The following SHISA9 variants were observed in gnomAD, a reference collection of about 807,000 sequenced individuals.
The protein encoded by SHISA9 is protein shisa-9.
In SHISA9, 13 loss-of-function variants were observed where a neutral mutation model predicts 38.0. The ratio of observed to expected loss-of-function variants is 0.34; its 90% CI spans 0.22 to 0.54. SHISA9 has a LOEUF of 0.54. Ranked by LOEUF, SHISA9 falls within the 20% of genes least tolerant of loss-of-function variation. The pLI, the probability that SHISA9 is intolerant of heterozygous loss-of-function variation, is 0.91. For missense variants in SHISA9, 538 were observed against 575.8 expected (o/e 0.93, Z 0.67); for synonymous variants, 275 against 242.0 (o/e 1.14, Z -1.27).
At chr16:13,413,755 C>T in the SHISA9 span, among the ~76,000 whole-genome samples, 1 of 52,590 alleles carries the variant, frequency 1.9e-5, no homozygotes, top group African/African-American at 9.0e-5. Flanking sequence ...AAGACTTCAT[C>T]TCAAAAAAAA....
chr16:13,371,352 C>T, the SHISA9 span, among the ~76,000 whole-genome samples: 1 of 152,156 alleles, frequency 6.6e-6, no homozygotes, highest in East Asian at 1.9e-4. Context: ...AGGGGTGGAT[C>T]CTTGGTATCC....
intron 2 of SHISA9, among the ~76,000 whole-genome samples, chr16:13,067,299 G>A (rs1470617724): frequency 6.6e-6 from 1 of 152,198 alleles, no homozygotes; most frequent in Non-Finnish European, 1.5e-5. Context: ...GAACCTAGAT[G>A]GGAAGTGGCT....
the SHISA9 span, among the ~76,000 whole-genome samples, chr16:13,342,376 C>T: frequency 6.6e-6 from 1 of 152,282 alleles, no homozygotes; most frequent in East Asian, 1.9e-4. Flanking sequence ...CAACCTCCAT[C>T]TCCTGGGTTC....
chr16:13,521,922 C>A, the SHISA9 span, among the ~76,000 whole-genome samples: 1 of 152,188 alleles, frequency 6.6e-6, no homozygotes, highest in Non-Finnish European at 1.5e-5. Context: ...GAAATAGCTC[C>A]TCCTGAAGTT....
chr16:13,153,282 CA>C (rs959832645), intron 2 of SHISA9, among the ~76,000 whole-genome samples: 8 of 151,282 alleles, frequency 5.3e-5, no homozygotes, highest in African/African-American at 1.9e-4. Context: ...AAAAAAAAAA[CA>C]AAAAAAACCA....
chr16:13,510,759 T>C, the SHISA9 span, among the ~76,000 whole-genome samples: 1 of 152,062 alleles, frequency 6.6e-6, no homozygotes. Flanking sequence ...TTATTCTGTG[T>C]AGTTTATTGT....
the SHISA9 span, among the ~76,000 whole-genome samples, chr16:13,252,896 A>G: frequency 1.2e-4 from 19 of 152,092 alleles, no homozygotes; most frequent in African/African-American, 4.6e-4. Context: ...ATGGGTTTGA[A>G]CTGTGTAGGT....
chr16:13,268,621 G>A, the SHISA9 span, among the ~76,000 whole-genome samples: 5 of 152,234 alleles, frequency 3.3e-5, no homozygotes, highest in East Asian at 5.8e-4. Context: ...ACACTTCTCC[G>A]TAGTGTTAAT....
At chr16:13,559,895 C>T in the SHISA9 span, among the ~76,000 whole-genome samples, 3 of 152,174 alleles carry the variant, frequency 2.0e-5, no homozygotes, top group Non-Finnish European at 2.9e-5. Context: ...AAGTCAGTCA[C>T]ATCAACTGGA....
At chr16:13,047,502 G>A (rs1004152144) in intron 2 of SHISA9, among the ~76,000 whole-genome samples, 2 of 152,148 alleles carry the variant, frequency 1.3e-5, no homozygotes, top group African/African-American at 4.8e-5. Flanking sequence ...TGCTTGCCTG[G>A]TTTTGAGCCA....
At chr16:13,377,960 A>G in the SHISA9 span, among the ~76,000 whole-genome samples, 124,630 of 152,070 alleles carry the variant, frequency 0.82, 51,213 homozygotes, top group East Asian at 0.96. Flanking sequence ...TTGAACCTGG[A>G]AGGCGGAGGT....
chr16:13,187,714 C>G (rs2050841485), intron 2 of SHISA9, among the ~76,000 whole-genome samples: 1 of 152,094 alleles, frequency 6.6e-6, no homozygotes, highest in Non-Finnish European at 1.5e-5. Context: ...TAACCATTCA[C>G]TTATACTTTT....
At chr16:13,226,997 G>C (rs148252679) in intron 4 of SHISA9, among the ~76,000 whole-genome samples, 2 of 152,258 alleles carry the variant, frequency 1.3e-5, no homozygotes, top group East Asian at 3.9e-4. Context: ...GGTCATTCTT[G>C]GAATATGCCA....
At chr16:13,135,555 G>A (rs1398297447) in intron 2 of SHISA9, among the ~76,000 whole-genome samples, 1 of 152,200 alleles carries the variant, frequency 6.6e-6, no homozygotes, top group Non-Finnish European at 1.5e-5. Context: ...TCCCATGCTA[G>A]CCTGGTTGCA....
the SHISA9 span, among the ~76,000 whole-genome samples, chr16:13,512,321 A>G: frequency 2.6e-5 from 4 of 152,240 alleles, no homozygotes; most frequent in Admixed American, 6.5e-5. Context: ...GGACCTTTTC[A>G]AGGAAAACTA....
chr16:13,310,005 A>G, the SHISA9 span, among the ~76,000 whole-genome samples: 1 of 152,108 alleles, frequency 6.6e-6, no homozygotes, highest in Non-Finnish European at 1.5e-5. Flanking sequence ...CTCCTGCCTC[A>G]GCCCTCAAAG....
chr16:13,002,680 G>T (rs533268850), intron 2 of SHISA9, among the ~76,000 whole-genome samples: 2 of 151,468 alleles, frequency 1.3e-5, no homozygotes, highest in African/African-American at 2.4e-5. Context: ...TTACAGATGC[G>T]CACCACCGCA....
intron 4 of SHISA9, among the ~76,000 whole-genome samples, chr16:13,227,447 C>G (rs1021971699): frequency 2.0e-5 from 3 of 152,170 alleles, no homozygotes; most frequent in Admixed American, 6.5e-5. Flanking sequence ...TCCCAAATTT[C>G]TGGCATAAGT....
At chr16:13,541,478 A>G in the SHISA9 span, among the ~76,000 whole-genome samples, 3 of 152,224 alleles carry the variant, frequency 2.0e-5, no homozygotes, top group Admixed American at 6.5e-5. Context: ...CAAACCATTT[A>G]CGAAGCATTT....
Sources: allele counts gnomAD v4.1 joint callset (sites outside exome capture counted in the v4.1 genomes callset), GRCh38; gene constraint gnomAD v4.1.1; transcripts MANE v1.5; gene names NCBI Gene and HGNC (gene_info 2026-07-23, HGNC 2026-07-21).